The following LCTL variants were observed in gnomAD, a reference collection of about 807,000 sequenced individuals.
LCTL encodes lactase-like protein.
Under a neutral mutation model 75.8 loss-of-function variants are expected in LCTL, and 76 were observed. The observed-to-expected ratio is 1.00, with a 90% CI of 0.83 to 1.21. The LOEUF (loss-of-function observed/expected upper bound fraction) is 1.21, where lower values mean the gene tolerates loss of function less well. Among genes scored for constraint, LCTL ranks in the 50% most tolerant of loss-of-function variants. LCTL has a pLI of 0.00. For synonymous variants in LCTL, 271 were observed against 268.8 expected, an observed-to-expected ratio of 1.01 and a Z score of -0.08; for missense variants, 670 against 712.4, an observed-to-expected ratio of 0.94 and a Z score of 0.68.
At chr15:66,554,630 G>A (rs1380935236) in intron 8 of LCTL, among the ~76,000 whole-genome samples, 1 of 152,186 alleles carries the variant, frequency 6.6e-6, no homozygotes, top group Non-Finnish European at 1.5e-5. Context: ...GTAAAGGGAT[G>A]TTTGTACAAG....
At chr15:66,565,218 G>T (rs757742324) in intron 1 of LCTL, 30 bp downstream of exon 2, 2 of 1,438,962 alleles carry the variant, frequency 1.4e-6, no homozygotes, top group Admixed American at 3.4e-5. Flanking sequence ...CGACAGACAG[G>T]CAGACAGACG....
chr15:66,548,444 G>A (rs1435381379), exon 13 of LCTL: 2 of 1,014,338 alleles, frequency 2.0e-6, no homozygotes. Context: ...AAGGGAGGAA[G>A]ATCCTGAAGA....
rs1475695243 is a variant in LCTL at position 66,564,008 on chromosome 15, C to G, written c.283-10G>C. 1.9e-6 allele frequency: 3 copies of G among 1,605,072 alleles called. No individual in the cohort carries two copies. Among genetic ancestry groups the G allele is most frequent in the Admixed American group, 1.7e-5 (1 of 60,012 alleles). On this transcript the variant is annotated splice_polypyrimidine_tract_variant and intron_variant, in intron 2 of 12. Coordinates refer to ENST00000341509, the Ensembl canonical transcript of LCTL. ...GCAGAATGATGTCCTCCTGTGCAGA[C>G]AGGGGTGGGGAGACAGGTCACCTGG...
At chr15:66,551,922 A>G in intron 10 of LCTL, 61 bp from the exon 12 acceptor site, 1 of 1,528,226 alleles carries the variant, frequency 6.5e-7, no homozygotes, top group Non-Finnish European at 8.9e-7. Context: ...ATAAAACTGA[A>G]GATAATGTTA....
chr15:66,558,259 T>TA (rs1895790430), intron 6 of LCTL, among the ~76,000 whole-genome samples: 1 of 152,232 alleles, frequency 6.6e-6, no homozygotes, highest in African/African-American at 2.4e-5. Context: ...AACTTTTTGT[T>TA]GTTATTTATC....
rs1269695038 is a variant in LCTL, at chr15:66,564,670, A to C, written c.282+6T>G. 1 of 1,610,208 alleles carries C rather than the reference A, an allele frequency of 6.2e-7. No individual in the cohort carries two copies. The highest frequency in any genetic ancestry group is 8.5e-7 in the Non-Finnish European group (1 of 1,179,666). ...GCACACACACACACTCACACCCCGC[A>C]CTCACCTGGACCTTGTAGTAGCCGT... On this transcript the variant is annotated splice_donor_region_variant and intron_variant, in intron 2 of 12. Coordinates refer to ENST00000341509, the Ensembl canonical transcript of LCTL.
intron 1 of LCTL, 34 bp from the exon 3 acceptor site, chr15:66,564,873 C>A: frequency 1.3e-6 from 2 of 1,593,692 alleles, no homozygotes; most frequent in South Asian, 2.2e-5. Flanking sequence ...GTCCCAGGTG[C>A]TCCCATGTGT....
intron 8 of LCTL, among the ~76,000 whole-genome samples, chr15:66,554,221 G>T (rs920690063): frequency 6.6e-6 from 1 of 151,360 alleles, no homozygotes; most frequent in African/African-American, 2.4e-5. Flanking sequence ...AAGCCGGGAG[G>T]TGGAGGTTGC....
At chr15:66,553,435 A>C (rs1187359854) in intron 8 of LCTL, among the ~76,000 whole-genome samples, 177 bp from the exon 10 acceptor site, 1 of 152,212 alleles carries the variant, frequency 6.6e-6, no homozygotes, top group Non-Finnish European at 1.5e-5. Flanking sequence ...ACTGTCCAAA[A>C]TATTTATAAG....
intron 9 of LCTL, 30 bp downstream of exon 10, chr15:66,552,953 TG>T (rs752145515): frequency 7.0e-7 from 1 of 1,426,194 alleles, no homozygotes; most frequent in Non-Finnish European, 9.2e-7. Context: ...CAAGTCTAAA[TG>T]TCCTTTGAAT....
chr15:66,548,394 A>T, exon 13 of LCTL: 1 of 539,674 alleles, frequency 1.9e-6, no homozygotes, highest in South Asian at 4.2e-5. Context: ...ATTATTGTAG[A>T]ACCTGAAAAC....
At chr15:66,559,687 G>A (rs1895835275) in intron 6 of LCTL, among the ~76,000 whole-genome samples, 1 of 152,166 alleles carries the variant, frequency 6.6e-6, no homozygotes, top group South Asian at 2.1e-4. Flanking sequence ...CAGCCTGGGC[G>A]ACAGAGCGAG....
At chr15:66,561,048 G>A in exon 6 of LCTL, 9 of 1,614,168 alleles carry the variant, frequency 5.6e-6, no homozygotes, top group Non-Finnish European at 6.8e-6. Flanking sequence ...CGGTGCCGCG[G>A]AGCTTCAGGC....
intron 3 of LCTL, 84 bp downstream of exon 4, chr15:66,563,827 C>A: frequency 9.0e-7 from 1 of 1,113,812 alleles, no homozygotes; most frequent in Non-Finnish European, 1.4e-6. Flanking sequence ...TGATCTCCCT[C>A]CCCAGGACTC....
intron 8 of LCTL, among the ~76,000 whole-genome samples, chr15:66,553,859 A>G (rs1442357146): frequency 1.3e-5 from 2 of 152,056 alleles, no homozygotes; most frequent in East Asian, 3.9e-4. Context: ...TCCTTACATT[A>G]AAAATGGGTA....
chr15:66,565,626 C>A (rs35808366), upstream of LCTL: 46,512 of 457,446 alleles, frequency 0.1, 2,882 homozygotes, highest in Middle Eastern at 0.13. Context: ...ATGGGGGAGA[C>A]CCAGCCCATA....
At chr15:66,564,342 A>G (rs1895968140) in intron 2 of LCTL, 1 of 472,060 alleles carries the variant, frequency 2.1e-6, no homozygotes, top group East Asian at 3.9e-5. Context: ...ACTGACAAGC[A>G]GGGACCAGGG....
intron 1 of LCTL, 81 bp from the exon 3 acceptor site, chr15:66,564,920 C>A: frequency 7.3e-7 from 1 of 1,373,240 alleles, no homozygotes; most frequent in Non-Finnish European, 1.0e-6. Context: ...GCCTCCCAGG[C>A]CTCAGGGACT....
intron 9 of LCTL, 68 bp from the exon 11 acceptor site, chr15:66,552,237 G>A: frequency 7.5e-7 from 1 of 1,325,940 alleles, no homozygotes; most frequent in Non-Finnish European, 1.0e-6. Flanking sequence ...TGAGTCAGAG[G>A]CTCATATAGG....
Sources: gnomAD v4.1 joint callset for allele counts (sites outside exome capture counted in the v4.1 genomes callset) on GRCh38, gnomAD v4.1.1 for gene constraint, MANE v1.5 for transcripts, NCBI Gene and HGNC (gene_info 2026-07-23, HGNC 2026-07-21) for gene names.